LAMA5: variants seen among roughly 807,000 people sequenced by gnomAD.
LAMA5 encodes laminin subunit alpha-5.
Under a neutral mutation model 433.4 loss-of-function variants are expected in LAMA5, and 260 were observed. That is an observed-to-expected ratio of 0.60 (90% confidence interval 0.54 to 0.66). LAMA5 has a LOEUF of 0.66. Ranked by LOEUF, LAMA5 falls within the 30% of genes least tolerant of loss-of-function variation. The probability of loss-of-function intolerance (pLI) is 0.00; values close to 1 mark genes in which losing one functional copy is unlikely to be tolerated. For missense variants in LAMA5, 5,378 were observed against 5,258.5 expected, an observed-to-expected ratio of 1.02 and a Z score of -0.70; for synonymous variants, 2,620 against 2,226.6, an observed-to-expected ratio of 1.18 and a Z score of -4.97.
Position 62,325,515 on chromosome 20 carries a change from G to A in LAMA5, c.5330C>T (p.Thr1777Ile). 6.2e-7 allele frequency: 1 copy of A among 1,611,738 alleles called. No individual in the cohort carries two copies. Among genetic ancestry groups the A allele is most frequent in the Non-Finnish European group, 8.5e-7 (1 of 1,179,304 alleles). ...GNFRHTETRN[T>I]VSREELMMVL... ...CATCATGAGCTCCTCGCGGGACACA[G>A]TGTTGCGCGTCTCCGTATGCCGGAA... is the stretch of plus-strand genomic sequence containing the variant. Residue 1777 changes from threonine (T) to isoleucine (I), a missense_variant, in exon 41 of 80, where the codon ACT becomes ATT. By Grantham distance (89) the Thr-to-Ile change is moderately conservative. Transcript: ENST00000252999.
In LAMA5 at chr20:62,333,153, C is replaced by T; in HGVS notation, c.3219G>A (p.Arg1073=). Reference sequence around the variant, plus strand: ...GGCTGAGCTGCTCCGTGGGGCAGGGCCGGGGCAGGCTGTTGTCCTGGCGAC... The same window carrying T: ...GGCTGAGCTGCTCCGTGGGGCAGGGTCGGGGCAGGCTGTTGTCCTGGCGAC... ...ALCRQDNSLP[R]PCPTEQLSPS... The change falls in exon 26 of 80, where the codon CGG becomes CGA. Residue 1073 remains arginine (R), a synonymous_variant. Transcript: ENST00000252999. The T allele has an allele frequency of 6.6e-7, 1 of 1,509,510 alleles. No individual in the cohort carries two copies. Among genetic ancestry groups the T allele is most frequent in the Non-Finnish European group, 8.8e-7 (1 of 1,131,854 alleles). The allele number at this position is 1,509,510 out of a possible 1,614,324, so 93.5% of individuals were successfully genotyped here.
At position 62,310,896 on chromosome 20, in the gene LAMA5, C is replaced by T. The variant is rs776674699; in HGVS notation, c.10281+6G>A. On this transcript the variant is annotated splice_donor_region_variant and intron_variant, in intron 74 of 79. Coordinates refer to ENST00000252999, the MANE Select transcript of LAMA5 (RefSeq NM_005560.6). ...GCCCACCACCTTCCTTCTTCTCGGCCCTCACCTTGTGCCAGCGGCCAGGCC... is the reference window on the plus strand; with the variant it reads ...GCCCACCACCTTCCTTCTTCTCGGCTCTCACCTTGTGCCAGCGGCCAGGCC... 2 of 1,609,936 alleles carry T rather than the reference C, an allele frequency of 1.2e-6. No individual in the cohort carries two copies. Among genetic ancestry groups the T allele is most frequent in the East Asian group, 2.2e-5 (1 of 44,856 alleles).
chr20:62,360,484 A>G (rs1396687870), intron 2 of LAMA5, among the ~76,000 whole-genome samples: 2 of 52 alleles, frequency 0.038, 1 homozygote, highest in Non-Finnish European at 0.12. Flanking sequence ...GGAGGGATAG[A>G]TGGGTGGTGG....
chr20:62,347,696 C>T (rs1983597304), intron 6 of LAMA5, among the ~76,000 whole-genome samples: 1 of 152,190 alleles, frequency 6.6e-6, no homozygotes, highest in Admixed American at 6.5e-5. Flanking sequence ...GTTGGAAGCA[C>T]CTACTGCTCA....
At chr20:62,315,273 G>A (rs1410569004) in intron 58 of LAMA5, 66 bp from the exon 59 acceptor site, 3 of 1,405,896 alleles carry the variant, frequency 2.1e-6, no homozygotes, top group Non-Finnish European at 2.9e-6. Context: ...ATGTCCCCAA[G>A]TCTTTCTGTT....
intron 2 of LAMA5, chr20:62,355,595 G>C (rs962915067): frequency 6.6e-6 from 1 of 152,224 alleles, no homozygotes; most frequent in Non-Finnish European, 1.5e-5. Context: ...GGGTTGGGGC[G>C]GGGCACAGGC....
intron 50 of LAMA5, among the ~76,000 whole-genome samples, chr20:62,320,287 C>T (rs1315307922): frequency 7.8e-6 from 1 of 128,260 alleles, no homozygotes; most frequent in Non-Finnish European, 1.5e-5. Context: ...CATTGCACTC[C>T]AGCCTGGGCA....
Position 62,309,179 on chromosome 20 carries a change from T to C in LAMA5, c.*157A>G. The C allele has an allele frequency of 1.3e-6, 1 of 755,182 alleles. No homozygotes were observed. The highest frequency in any genetic ancestry group is 2.0e-6 in the Non-Finnish European group (1 of 498,472). 46.8% of individuals were successfully genotyped at this position (755,182 alleles called of 1,614,324 possible). On this transcript the variant is annotated 3_prime_UTR_variant, in exon 80 of 80. Transcript: ENST00000252999. Reference sequence around the variant, plus strand: ...AATATAAAAACATTTTGCAGTATTTTATTCTTTCGTTTAAGAAGCTATAAC... The same window carrying C: ...AATATAAAAACATTTTGCAGTATTTCATTCTTTCGTTTAAGAAGCTATAAC...
rs113149937 is a variant in LAMA5, at chr20:62,320,840, C to A, written c.6547G>T (p.Ala2183Ser). The change falls in exon 49 of 80, where the codon GCC becomes TCC. Residue 2183 changes from alanine (A) to serine (S), a missense_variant. Ala to Ser is a moderately conservative substitution (Grantham distance 99). Transcript: ENST00000252999. Reference sequence around the variant, plus strand: ...TGCTCGTGAATGGCGGGGAGGAGGGCGCCGGCCCGTTCCAGGTCATCCAGG... The same window carrying A: ...TGCTCGTGAATGGCGGGGAGGAGGGAGCCGGCCCGTTCCAGGTCATCCAGG... ...LLLDDLERAG[A>S]LLPAIHEQLR... is the part of the protein sequence containing the mutation. 14 of 1,612,408 alleles carry A rather than the reference C, an allele frequency of 8.7e-6. No homozygotes were observed. Among genetic ancestry groups the A allele is most frequent in the Non-Finnish European group, 1.2e-5 (14 of 1,179,794 alleles).
In LAMA5 at chr20:62,310,689, G is replaced by C; in HGVS notation, c.10422C>G (p.Ala3474=). The C allele has an allele frequency of 6.2e-7, 1 of 1,602,438 alleles. No homozygotes were observed. Among genetic ancestry groups the C allele is most frequent in the Non-Finnish European group, 8.5e-7 (1 of 1,178,058 alleles). Residue 3474 remains alanine (A), a synonymous_variant, in exon 75 of 80, where the codon GCC becomes GCG. Transcript: ENST00000252999. ...CCGGAAGTTTGGAGCTGTGGCTGCT[G>C]GCCGGGAGGCCGCCCACAAAGAGGG... is the stretch of plus-strand genomic sequence containing the variant. The part of the protein sequence containing the change: ...PHTLFVGGLP[A]SSHSSKLPVT...
chr20:62,315,908 G>A lies in LAMA5; in HGVS notation c.7867+40C>T, dbSNP rs747344470. Reference sequence around the variant, plus strand: ...CAGCGCCACTGTCACAGAGCCTCATGGTCGGCCGGCTGCGAGAGCCGGGCC... The same window carrying A: ...CAGCGCCACTGTCACAGAGCCTCATAGTCGGCCGGCTGCGAGAGCCGGGCC... On this transcript the variant is annotated intron_variant, in intron 58 of 79. Transcript: ENST00000252999. The A allele has an allele frequency of 1.2e-5, 17 of 1,456,350 alleles. No homozygotes were observed. The East Asian group carries it at 4.1e-4, about 35-fold the overall frequency. The allele number at this position is 1,456,350 out of a possible 1,614,324, so 90.2% of individuals were successfully genotyped here.
chr20:62,319,910 C>A, intron 50 of LAMA5, 115 bp from the exon 51 acceptor site: 1 of 624,624 alleles, frequency 1.6e-6, no homozygotes, highest in South Asian at 1.9e-5. Context: ...GGCCCCTTAT[C>A]TATTTAACTC....
Position 62,311,606 on chromosome 20 carries a change from AG to A in LAMA5, c.9806+7del. On this transcript the variant is annotated splice_region_variant and intron_variant, in intron 71 of 79. Coordinates refer to ENST00000252999, the MANE Select transcript of LAMA5 (RefSeq NM_005560.6). ...GGGACCTTGTCCCCCAGCGCCCACC[AG>A]GCTCACCGCTGCACGAAGACGTTGC... The A allele has an allele frequency of 6.2e-7, 1 of 1,607,006 alleles. No homozygotes were observed. Among genetic ancestry groups the A allele is most frequent in the Non-Finnish European group, 8.5e-7 (1 of 1,177,786 alleles).
chr20:62,363,433 C>A (rs1406972), intron 1 of LAMA5, among the ~76,000 whole-genome samples: 9,158 of 152,226 alleles, frequency 0.06, 383 homozygotes, highest in Middle Eastern at 0.095. Context: ...CTGTCCCGGG[C>A]CTGCCATCTG....
intron 10 of LAMA5, 90 bp downstream of exon 10, chr20:62,345,991 T>C: frequency 6.3e-7 from 1 of 1,584,684 alleles, no homozygotes; most frequent in South Asian, 1.1e-5. Context: ...GATAACATGG[T>C]CCATCCCGGG....
Position 62,309,756 on chromosome 20 carries a change from T to G in LAMA5, c.10908A>C (p.Ala3636=). ...NHTVGPLLAA[A]AGAPAPLYLG... ...GGTACAGAGGGGCTGGGGCACCAGC[T>G]GCAGCCGCCAGCAAGGGGCCCACGG... The change falls in exon 79 of 80, where the codon GCA becomes GCC. Residue 3636 remains alanine (A), a synonymous_variant. Transcript: ENST00000252999. The G allele has an allele frequency of 6.2e-7, 1 of 1,604,366 alleles. No homozygotes were observed. The highest frequency in any genetic ancestry group is 1.7e-4 in the Middle Eastern group (1 of 5,968).
chr20:62,347,050 G>A (rs1983505672), intron 6 of LAMA5, 22 bp from the exon 7 acceptor site: 1 of 1,583,440 alleles, frequency 6.3e-7, no homozygotes. Flanking sequence ...ACAGGAGGGG[G>A]GATCAGGCCC....
intron 6 of LAMA5, chr20:62,351,124 ACAG>A: frequency 6.1e-6 from 1 of 164,152 alleles, no homozygotes; most frequent in South Asian, 1.7e-4. Flanking sequence ...CACACAGGGC[ACAG>A]CAGATGTGGG....
At chr20:62,341,067 TAAATAAATAAATA>T (rs1444197986) in intron 11 of LAMA5, among the ~76,000 whole-genome samples, 12 of 57,152 alleles carry the variant, frequency 2.1e-4, no homozygotes, top group Admixed American at 4.8e-4. Context: ...AATAAATAAA[TAAATAAATAAATA>T]AAATTAAAAA....
Sources: gnomAD v4.1 joint callset for allele counts (sites outside exome capture counted in the v4.1 genomes callset) on GRCh38, gnomAD v4.1.1 for gene constraint, MANE v1.5 for transcripts, NCBI Gene and HGNC (gene_info 2026-07-23, HGNC 2026-07-21) for gene names.